NRXN1: variants seen among roughly 807,000 people sequenced by gnomAD.
NRXN1 encodes neurexin-1.
NRXN1 carries 39 observed loss-of-function variants against 150.9 expected under a neutral mutation model. The ratio of observed to expected loss-of-function variants is 0.26; its 90% CI spans 0.20 to 0.34. The LOEUF is 0.34. Ranked by LOEUF, NRXN1 falls within the 10% of genes least tolerant of loss-of-function variation. The probability of loss-of-function intolerance (pLI) is 1.00; values close to 1 mark genes in which losing one functional copy is unlikely to be tolerated. For synonymous variants in NRXN1, 924 were observed against 757.0 expected (o/e 1.22, Z -3.62); for missense variants, 1,815 against 1,949.9 (o/e 0.93, Z 1.30).
chr2:50,095,712 A>C (rs7567437), intron 18 of NRXN1, among the ~76,000 whole-genome samples: 2,014 of 152,022 alleles, frequency 0.013, 58 homozygotes, highest in African/African-American at 0.046. Context: ...CAACACAATA[A>C]AATAAACAAT....
In NRXN1 at chr2:50,522,719, C is replaced by CCTTTTTTTTTT. The variant is rs1323306682; in HGVS notation, c.2374+5905_2374+5906insAAAAAAAAAAG. On this transcript the variant is annotated intron_variant, in intron 12 of 22. Transcript: ENST00000401669. ...TTCCATTTATTCATTTATTTTTATT[C>CCTTTTTTTTTT]ATTTTTTTTTTTTTTTTTTTTTTTT... Among the ~76,000 whole-genome samples the CCTTTTTTTTTT allele has an allele frequency of 7.7e-4, 67 of 86,558 alleles. 29 individuals carry two copies. Among genetic ancestry groups the CCTTTTTTTTTT allele is most frequent in the African/African-American group, 1.6e-3 (27 of 16,774 alleles). 56.8% of individuals were successfully genotyped at this position (86,558 alleles called of 152,430 possible).
In NRXN1 at chr2:50,859,826, ACAC is replaced by A. The variant is rs568706371; in HGVS notation, c.832+62040_832+62042del. On this transcript the variant is annotated intron_variant, in intron 5 of 22. Coordinates refer to ENST00000401669, the MANE Select transcript of NRXN1 (RefSeq NM_001330078.2). ...ATACACACACACATTATATACACAC[ACAC>A]AATTATGTTTGTGTGTGTGTGTGTG... is the stretch of plus-strand genomic sequence containing the variant. Among the ~76,000 whole-genome samples the A allele has an allele frequency of 3.1e-3, 353 of 113,110 alleles. 1 individual carries two copies. The highest frequency in any genetic ancestry group is 0.01 in the African/African-American group (330 of 32,512). 74.2% of individuals were successfully genotyped at this position (113,110 alleles called of 152,430 possible). A position where few individuals can be genotyped will look rare whatever the true frequency, so the allele number is the denominator to read the frequency against.
intron 17 of NRXN1, among the ~76,000 whole-genome samples, chr2:50,393,638 T>C (rs2103843617): frequency 6.6e-6 from 1 of 152,250 alleles, no homozygotes. Flanking sequence ...ACTTCATTTT[T>C]ACTAGTATTT....
Position 50,779,010 on chromosome 2 carries a change from C to T in NRXN1, c.832+142859G>A, listed in dbSNP as rs1011411464. On this transcript the variant is annotated intron_variant, in intron 5 of 22. Coordinates refer to ENST00000401669, the MANE Select transcript of NRXN1 (RefSeq NM_001330078.2). ...AAGACTATGTCTCTGTACCTATATA[C>T]ATCTACATTTTTTTTCTTCTTCTTT... is the stretch of plus-strand genomic sequence containing the variant. Among the ~76,000 whole-genome samples the T allele has an allele frequency of 3.3e-5, 5 of 152,120 alleles. 1 individual carries two copies. The highest frequency in any genetic ancestry group is 3.3e-4 in the Admixed American group (5 of 15,264).
intron 2 of NRXN1, among the ~76,000 whole-genome samples, chr2:50,997,813 T>A: frequency 7.0e-6 from 1 of 142,302 alleles, no homozygotes; most frequent in South Asian, 2.2e-4. Context: ...CAGCCACATT[T>A]TCATTTAGAC....
At chr2:50,949,648 T>G (rs1017490565) in intron 2 of NRXN1, among the ~76,000 whole-genome samples, 2 of 152,092 alleles carry the variant, frequency 1.3e-5, no homozygotes, top group Non-Finnish European at 2.9e-5. Context: ...GTTTCATTCC[T>G]ACTCAGGCCT....
At chr2:50,611,506 C>A (rs1299978149) in intron 8 of NRXN1, among the ~76,000 whole-genome samples, 1 of 152,200 alleles carries the variant, frequency 6.6e-6, no homozygotes, top group Non-Finnish European at 1.5e-5. Context: ...GCAGATGGGA[C>A]TCCCTGAATC....
At chr2:50,842,568 G>C (rs1200267239) in intron 5 of NRXN1, among the ~76,000 whole-genome samples, 1 of 152,112 alleles carries the variant, frequency 6.6e-6, no homozygotes, top group Non-Finnish European at 1.5e-5. Context: ...GGAAATATCT[G>C]CTTTAGCGTC....
intron 5 of NRXN1, among the ~76,000 whole-genome samples, chr2:50,887,908 G>A (rs564609969): frequency 4.0e-5 from 6 of 148,702 alleles, no homozygotes; most frequent in Admixed American, 6.7e-5. Context: ...TTGTAAAATA[G>A]TTATTTTTTT....
At chr2:50,399,565 T>C (rs371508578) in intron 17 of NRXN1, among the ~76,000 whole-genome samples, 3 of 151,888 alleles carry the variant, frequency 2.0e-5, no homozygotes, top group East Asian at 3.9e-4. Flanking sequence ...TTTCAAGGGC[T>C]CTAATTCATG....
intron 17 of NRXN1, among the ~76,000 whole-genome samples, chr2:50,373,639 AAAG>A (rs2080218564): frequency 1.2e-5 from 1 of 85,542 alleles, no homozygotes; most frequent in South Asian, 3.6e-4. Context: ...AGAAAGAAAG[AAAG>A]AAAGAAAGAA....
intron 5 of NRXN1, among the ~76,000 whole-genome samples, chr2:50,679,268 G>T (rs1690006617): frequency 6.6e-6 from 1 of 152,088 alleles, no homozygotes; most frequent in African/African-American, 2.4e-5. Flanking sequence ...CATCCCTCTG[G>T]AAGGATTCTT....
At chr2:50,518,969 T>G (rs1174257366) in intron 12 of NRXN1, among the ~76,000 whole-genome samples, 1 of 151,922 alleles carries the variant, frequency 6.6e-6, no homozygotes, top group African/African-American at 2.4e-5. Context: ...TTCCTTTCTT[T>G]TTACTGGGAA....
intron 5 of NRXN1, among the ~76,000 whole-genome samples, chr2:50,801,422 G>A (rs1357148928): frequency 6.6e-6 from 1 of 152,098 alleles, no homozygotes. Flanking sequence ...AAAAGTTTCA[G>A]ACTCTGTGAA....
At chr2:50,436,697 T>C (rs1301359604) in intron 17 of NRXN1, among the ~76,000 whole-genome samples, 1 of 152,204 alleles carries the variant, frequency 6.6e-6, no homozygotes, top group Non-Finnish European at 1.5e-5. Context: ...CTTCACCTGG[T>C]ATATTCTTCC....
chr2:50,401,095 A>C (rs1447675681), intron 17 of NRXN1, among the ~76,000 whole-genome samples: 2 of 152,110 alleles, frequency 1.3e-5, no homozygotes, highest in Non-Finnish European at 2.9e-5. Flanking sequence ...ATTTTCTTCC[A>C]TGATTTTCTC....
chr2:50,277,429 C>T (rs2070680536), intron 17 of NRXN1, among the ~76,000 whole-genome samples: 1 of 150,740 alleles, frequency 6.6e-6, no homozygotes, highest in African/African-American at 2.4e-5. Context: ...TCCTTCCTCC[C>T]TCCCTTCCTC....
intron 5 of NRXN1, among the ~76,000 whole-genome samples, chr2:50,723,086 A>C (rs1696886996): frequency 6.6e-6 from 1 of 152,048 alleles, no homozygotes; most frequent in African/African-American, 2.4e-5. Flanking sequence ...CATACAATAT[A>C]CCTTTCCTAC....
In NRXN1 at chr2:50,633,882, G is replaced by A. The variant is rs536691559; in HGVS notation, c.833-10267C>T. ...CTGAGCAAGCAAAAGAGTGCAATGA[G>A]GGTGTGCAATAACTGAGCAGGGAAG... On this transcript the variant is annotated intron_variant, in intron 5 of 22. Coordinates refer to ENST00000401669, the MANE Select transcript of NRXN1 (RefSeq NM_001330078.2). Among the ~76,000 whole-genome samples the A allele has an allele frequency of 9.2e-5, 14 of 152,248 alleles. No individual in the cohort carries two copies. The South Asian group carries it at 2.9e-3, about 32-fold the overall frequency.
Sources: allele counts gnomAD v4.1 joint callset (sites outside exome capture counted in the v4.1 genomes callset), GRCh38; gene constraint gnomAD v4.1.1; transcripts MANE v1.5; gene names NCBI Gene and HGNC (gene_info 2026-07-23, HGNC 2026-07-21).